The following CLEC16A variants were observed in gnomAD, a reference collection of about 807,000 sequenced individuals.
CLEC16A encodes the protein protein CLEC16A.
A neutral mutation model predicts 109.5 loss-of-function variants in CLEC16A; 51 were observed. The observed-to-expected ratio is 0.47, with a 90% CI of 0.37 to 0.59. The LOEUF (loss-of-function observed/expected upper bound fraction) is 0.59. Among genes scored for constraint, CLEC16A ranks in the 20% least tolerant of loss-of-function variants. CLEC16A has a pLI of 0.00. For synonymous variants in CLEC16A, 673 were observed against 564.2 expected (o/e 1.19, Z -2.73); for missense variants, 1,339 against 1,394.0 (o/e 0.96, Z 0.63).
In CLEC16A at chr16:10,944,602, G is replaced by C. The variant is rs1422490333; in HGVS notation, c.-116G>C. Reference sequence around the variant, plus strand: ...GGGCCGGGGAGGAAGGCGGCTCGCGGTTCCTCCACCGCCTCCGCCGCCGCA... The same window carrying C: ...GGGCCGGGGAGGAAGGCGGCTCGCGCTTCCTCCACCGCCTCCGCCGCCGCA... On this transcript the variant is annotated 5_prime_UTR_variant, in exon 1 of 24. Transcript: ENST00000409790. The C allele has an allele frequency of 1.4e-5, 14 of 1,013,972 alleles. No individual in the cohort carries two copies. The highest frequency in any genetic ancestry group is 2.2e-5 in the Admixed American group (1 of 44,480). 62.8% of individuals were successfully genotyped at this position (1,013,972 alleles called of 1,614,324 possible). A position where few individuals can be genotyped will look rare whatever the true frequency, so the allele number is the denominator to read the frequency against.
At chr16:11,123,109 G>T (rs190874929) in intron 20 of CLEC16A, among the ~76,000 whole-genome samples, 1 of 151,962 alleles carries the variant, frequency 6.6e-6, no homozygotes, top group East Asian at 1.9e-4. Flanking sequence ...TCACCCTCTT[G>T]GCCAGGCTGG....
intron 23 of CLEC16A, among the ~76,000 whole-genome samples, chr16:11,176,709 G>C (rs1013359877): frequency 6.6e-6 from 1 of 152,200 alleles, no homozygotes. Context: ...CTGCACTCCA[G>C]CCTGGGTGAC....
In CLEC16A at chr16:11,002,959, T is replaced by C. The variant is rs184092904; in HGVS notation, c.1072-115T>C. On this transcript the variant is annotated intron_variant, in intron 10 of 23. Coordinates refer to ENST00000409790, the MANE Select transcript of CLEC16A (RefSeq NM_015226.3). ...ATGCGAGTGCAGCTATCTTATGATA[T>C]AATGGTTTCTTTTGGAGATGAGTTT... 545 of 748,562 alleles carry C rather than the reference T, an allele frequency of 7.3e-4. 1 individual carries two copies. The highest frequency in any genetic ancestry group is 9.1e-4 in the Non-Finnish European group (427 of 468,066). 46.4% of individuals were successfully genotyped at this position (748,562 alleles called of 1,614,324 possible).
chr16:11,136,612 A>C (rs913347442), intron 22 of CLEC16A, among the ~76,000 whole-genome samples: 1 of 152,248 alleles, frequency 6.6e-6, no homozygotes, highest in East Asian at 1.9e-4. Flanking sequence ...GACATGCTGC[A>C]GTGGCACAGA....
At chr16:10,977,088 G>A in intron 7 of CLEC16A, 137 bp from the exon 8 acceptor site, 1 of 766,096 alleles carries the variant, frequency 1.3e-6, no homozygotes, top group Non-Finnish European at 2.1e-6. Context: ...CCCCAGTAGG[G>A]GCCAGGATAA....
intron 22 of CLEC16A, among the ~76,000 whole-genome samples, chr16:11,130,571 C>T (rs28634154): frequency 0.044 from 6,671 of 152,272 alleles, 485 homozygotes; most frequent in African/African-American, 0.15. Flanking sequence ...AGTAGTGACA[C>T]GGGGAGCCGG....
intron 19 of CLEC16A, among the ~76,000 whole-genome samples, chr16:11,107,961 C>T (rs1363091566): frequency 6.6e-6 from 1 of 152,236 alleles, no homozygotes; most frequent in African/African-American, 2.4e-5. Context: ...AGGTACTCCC[C>T]AGCAGTGCAG....
chr16:10,976,968 C>A (rs1397288505), intron 7 of CLEC16A, among the ~76,000 whole-genome samples: 3 of 152,228 alleles, frequency 2.0e-5, no homozygotes, highest in Non-Finnish European at 4.4e-5. Context: ...TATGCAGTGG[C>A]TTGCTGGAAG....
intron 19 of CLEC16A, among the ~76,000 whole-genome samples, chr16:11,113,663 A>T (rs2051757834): frequency 6.6e-6 from 1 of 151,852 alleles, no homozygotes; most frequent in Non-Finnish European, 1.5e-5. Context: ...TGTCTCAAAG[A>T]AAAAAAACAG....
At chr16:11,125,902 TG>T (rs2052772681) in intron 21 of CLEC16A, 76 bp from the exon 22 acceptor site, 1 of 349,606 alleles carries the variant, frequency 2.9e-6, no homozygotes, top group African/African-American at 2.5e-5. Flanking sequence ...GCCACTACGA[TG>T]TCCCCCCCCC....
At chr16:11,089,292 C>T (rs1400666949) in intron 19 of CLEC16A, among the ~76,000 whole-genome samples, 2 of 152,116 alleles carry the variant, frequency 1.3e-5, no homozygotes, top group East Asian at 1.9e-4. Context: ...GGTTTTCCTG[C>T]GTCGGGACAT....
rs59547466 is a variant in CLEC16A at position 10,986,012 on chromosome 16, A to ATTTTTTTTTTTTTTTTTTT, written c.1071+3039_1071+3057dup. ...TGAGACACTGCACCTGGCCTGCAGA[A>ATTTTTTTTTTTTTTTTTTT]TTTTTTTTTTTTTTTTTTTTTTTTT... On this transcript the variant is annotated intron_variant, in intron 10 of 23. Coordinates refer to ENST00000409790, the MANE Select transcript of CLEC16A (RefSeq NM_015226.3). Among the ~76,000 whole-genome samples the ATTTTTTTTTTTTTTTTTTT allele has an allele frequency of 6.9e-5, 3 of 43,454 alleles. 1 individual carries two copies. The highest frequency in any genetic ancestry group is 3.4e-4 in the African/African-American group (3 of 8,822). The allele number at this position is 43,454 out of a possible 152,430, so 28.5% of individuals were successfully genotyped here. A position where few individuals can be genotyped will look rare whatever the true frequency, so the allele number is the denominator to read the frequency against.
chr16:10,969,426 T>C, intron 4 of CLEC16A, 117 bp downstream of exon 4: 1 of 659,398 alleles, frequency 1.5e-6, no homozygotes. Context: ...AAAGCTCTTA[T>C]ATGCTTGTTA....
chr16:11,108,526 G>T (rs1477612922), intron 19 of CLEC16A, among the ~76,000 whole-genome samples: 1 of 152,246 alleles, frequency 6.6e-6, no homozygotes, highest in Non-Finnish European at 1.5e-5. Context: ...CAGGTAGAGG[G>T]GGCACCAGGC....
rs138252793 is a variant in CLEC16A at position 11,150,488 on chromosome 16, G to A, written c.2642-15900G>A. Among the ~76,000 whole-genome samples the A allele has an allele frequency of 6.5e-3, 986 of 152,248 alleles. 3 individuals carry two copies. The highest frequency in any genetic ancestry group is 0.023 in the African/African-American group (955 of 41,534). ...CTAGTCTTTTTCTATCCCGGGCAGC[G>A]TTGCAGTGGGCATCCTTGGGCACAC... On this transcript the variant is annotated intron_variant, in intron 22 of 23. Transcript: ENST00000409790.
chr16:11,025,158 T>G (rs1183264297), intron 13 of CLEC16A, among the ~76,000 whole-genome samples: 1 of 152,166 alleles, frequency 6.6e-6, no homozygotes, highest in Non-Finnish European at 1.5e-5. Flanking sequence ...TGGAGGAAGG[T>G]GACTTGAGTG....
intron 11 of CLEC16A, among the ~76,000 whole-genome samples, chr16:11,016,959 G>A (rs1024520643): frequency 1.7e-4 from 24 of 138,378 alleles, no homozygotes; most frequent in Non-Finnish European, 1.6e-5. Context: ...GATGGTGAGA[G>A]TGAACCTCAC....
At chr16:11,061,110 G>A (rs1393752681) in intron 19 of CLEC16A, 88 bp downstream of exon 19, 4 of 1,395,662 alleles carry the variant, frequency 2.9e-6, no homozygotes, top group Non-Finnish European at 3.8e-6. Flanking sequence ...CACTGGGAGG[G>A]TCAGTGTGCA....
At chr16:10,948,085 G>A (rs944282704) in intron 1 of CLEC16A, among the ~76,000 whole-genome samples, 3 of 152,020 alleles carry the variant, frequency 2.0e-5, no homozygotes, top group Admixed American at 1.3e-4. Flanking sequence ...AGTAGAGACG[G>A]GGTTTCACCG....
Sources: allele counts gnomAD v4.1 joint callset (sites outside exome capture counted in the v4.1 genomes callset), GRCh38; gene constraint gnomAD v4.1.1; transcripts MANE v1.5; gene names NCBI Gene and HGNC (gene_info 2026-07-23, HGNC 2026-07-21).